Variants in DAB1 observed in about 807,000 individuals in gnomAD.
DAB1 encodes the protein disabled homolog 1.
Under a neutral mutation model 64.6 loss-of-function variants are expected in DAB1, and 15 were observed. The ratio of observed to expected loss-of-function variants is 0.23; its 90% CI spans 0.16 to 0.36. DAB1 has a LOEUF of 0.36. Among genes scored for constraint, DAB1 ranks in the 10% least tolerant of loss-of-function variants. DAB1 has a pLI of 1.00. For synonymous variants in DAB1, 235 were observed against 251.9 expected (o/e 0.93, Z 0.64); for missense variants, 596 against 706.7 (o/e 0.84, Z 1.78).
At chr1:58,101,413 G>A (rs1651314954) in intron 5 of DAB1, among the ~76,000 whole-genome samples, 1 of 152,188 alleles carries the variant, frequency 6.6e-6, no homozygotes, top group African/African-American at 2.4e-5. Flanking sequence ...ATGGGACAAG[G>A]CACTCAGGAA....
intron 5 of DAB1, among the ~76,000 whole-genome samples, chr1:57,916,565 T>C (rs1484555325): frequency 2.0e-5 from 3 of 152,222 alleles, no homozygotes; most frequent in Non-Finnish European, 4.4e-5. Context: ...TAAAAATTAG[T>C]TGAGTTCTCA....
intron 5 of DAB1, among the ~76,000 whole-genome samples, chr1:57,996,907 T>G (rs914583086): frequency 2.0e-5 from 3 of 151,630 alleles, no homozygotes. Flanking sequence ...GCCTGGAGAG[T>G]GTAAAGTATT....
chr1:57,893,003 G>A (rs1041594333), intron 5 of DAB1, among the ~76,000 whole-genome samples: 2 of 117,388 alleles, frequency 1.7e-5, no homozygotes, highest in African/African-American at 6.9e-5. Flanking sequence ...CCCACCCCTA[G>A]AGTTTTTGCT....
intron 3 of DAB1, among the ~76,000 whole-genome samples, chr1:58,477,501 T>C (rs1316244369): frequency 6.6e-6 from 1 of 152,088 alleles, no homozygotes; most frequent in Admixed American, 6.6e-5. Flanking sequence ...CTCATACCCA[T>C]CATCAGCTTG....
chr1:58,481,867 C>T (rs1050628396), intron 3 of DAB1, among the ~76,000 whole-genome samples: 1 of 152,214 alleles, frequency 6.6e-6, no homozygotes, highest in Admixed American at 6.5e-5. Context: ...TCGCCTTCCA[C>T]CATGATTGTG....
At chr1:58,314,793 T>A (rs908826237) in intron 4 of DAB1, among the ~76,000 whole-genome samples, 1 of 152,220 alleles carries the variant, frequency 6.6e-6, no homozygotes. Context: ...TTTTCTCCAA[T>A]GTTTAAGAGT....
In DAB1 at chr1:57,845,187, C is replaced by T. The variant is rs373929014; in HGVS notation, n.88-18732G>A. Among the ~76,000 whole-genome samples, 16 of 152,222 alleles carry T rather than the reference C, an allele frequency of 1.1e-4. No homozygotes were observed. The East Asian group carries it at 2.1e-3, about 20-fold the overall frequency. The stretch of plus-strand genomic sequence containing the variant: ...ATGAGGAATCCACTTACATGTGAGG[C>T]TGTGCGAGGGAGGAAGTGTCCCTGT... On this transcript the variant is annotated intron_variant and non_coding_transcript_variant, in intron 1 of 1. Transcript: ENST00000477280.
chr1:57,157,250 A>G (rs1225283430), intron 2 of DAB1, among the ~76,000 whole-genome samples: 2 of 152,146 alleles, frequency 1.3e-5, no homozygotes, highest in East Asian at 3.9e-4. Flanking sequence ...AATTCTTTTA[A>G]CTTTTGACAG....
chr1:57,038,030 T>C (rs1423662902), intron 9 of DAB1, among the ~76,000 whole-genome samples: 1 of 152,242 alleles, frequency 6.6e-6, no homozygotes, highest in African/African-American at 2.4e-5. Context: ...TTATTTTTGA[T>C]TTAATAGCTT....
intron 4 of DAB1, among the ~76,000 whole-genome samples, chr1:58,312,607 T>A (rs1292390820): frequency 6.6e-6 from 1 of 152,228 alleles, no homozygotes; most frequent in African/African-American, 2.4e-5. Flanking sequence ...ATGCTAAAAC[T>A]TATAAGTGTG....
At chr1:57,654,397 G>A (rs1174853139) in intron 6 of DAB1, among the ~76,000 whole-genome samples, 2 of 152,166 alleles carry the variant, frequency 1.3e-5, no homozygotes, top group Non-Finnish European at 2.9e-5. Flanking sequence ...CCTAAAACAG[G>A]TGTGGTCACA....
chr1:58,376,064 C>T (rs1644321937), intron 3 of DAB1, among the ~76,000 whole-genome samples: 1 of 151,780 alleles, frequency 6.6e-6, no homozygotes, highest in South Asian at 2.1e-4. Flanking sequence ...CTATTTGATT[C>T]TTCTCTCTTT....
intron 3 of DAB1, among the ~76,000 whole-genome samples, chr1:58,423,925 TA>T (rs1205649569): frequency 1.3e-5 from 2 of 152,214 alleles, no homozygotes; most frequent in Non-Finnish European, 2.9e-5. Context: ...AGGCTCCTAA[TA>T]AATACCAGCC....
chr1:58,295,692 C>T (rs962391599), intron 4 of DAB1, among the ~76,000 whole-genome samples: 3 of 151,994 alleles, frequency 2.0e-5, no homozygotes, highest in African/African-American at 7.3e-5. Flanking sequence ...AGAGGACATG[C>T]CTGGCCTCTG....
intron 1 of DAB1, among the ~76,000 whole-genome samples, chr1:57,366,549 G>A (rs1385434036): frequency 6.6e-6 from 1 of 152,168 alleles, no homozygotes; most frequent in Non-Finnish European, 1.5e-5. Context: ...CTAGCACAGT[G>A]TTTCACACAT....
chr1:57,502,405 G>T (rs1004055501), intron 7 of DAB1, among the ~76,000 whole-genome samples: 1 of 151,710 alleles, frequency 6.6e-6, no homozygotes, highest in Non-Finnish European at 1.5e-5. Context: ...TGGCAAAAGA[G>T]TTGAAGCAGG....
intron 2 of DAB1, among the ~76,000 whole-genome samples, chr1:57,152,305 T>G (rs1343706817): frequency 6.6e-6 from 1 of 152,240 alleles, no homozygotes; most frequent in Non-Finnish European, 1.5e-5. Flanking sequence ...TTTGAAGATT[T>G]CTGCTCTGAT....
At chr1:58,042,784 G>T (rs992681242) in intron 5 of DAB1, among the ~76,000 whole-genome samples, 5 of 152,314 alleles carry the variant, frequency 3.3e-5, no homozygotes, top group East Asian at 1.9e-4. Flanking sequence ...AAGGAGCAAA[G>T]ATATTAGAGG....
upstream of DAB1, among the ~76,000 whole-genome samples, chr1:57,424,894 C>T (rs1220316271): frequency 6.6e-6 from 1 of 152,232 alleles, no homozygotes; most frequent in Non-Finnish European, 1.5e-5. Flanking sequence ...CGCGACTCCC[C>T]TACTCGGCTC....
Sources: allele counts gnomAD v4.1 joint callset (sites outside exome capture counted in the v4.1 genomes callset), GRCh38; gene constraint gnomAD v4.1.1; transcripts MANE v1.5; gene names NCBI Gene and HGNC (gene_info 2026-07-23, HGNC 2026-07-21).